The following ANKRD30B variants were observed in gnomAD, a reference collection of about 807,000 sequenced individuals.
ANKRD30B encodes the protein ankyrin repeat domain 30B.
Under a neutral mutation model 202.2 loss-of-function variants are expected in ANKRD30B, and 144 were observed. The ratio of observed to expected loss-of-function variants is 0.71; its 90% confidence interval spans 0.62 to 0.82. ANKRD30B has a LOEUF of 0.82. Ranked by LOEUF, ANKRD30B falls within the 40% of genes least tolerant of loss-of-function variation. ANKRD30B has a pLI of 0.00. For synonymous variants in ANKRD30B, 508 were observed against 561.3 expected (o/e 0.91, Z 1.34); for missense variants, 1,487 against 1,669.1 (o/e 0.89, Z 1.90).
At chr18:14,810,986 G>T (rs1019395628) in intron 28 of ANKRD30B, among the ~76,000 whole-genome samples, 1 of 150,880 alleles carries the variant, frequency 6.6e-6, no homozygotes, top group Non-Finnish European at 1.5e-5. Flanking sequence ...GTGGTGGTGG[G>T]TGCCCGTAAT....
In ANKRD30B at chr18:14,851,603, T is replaced by C; in HGVS notation, c.3659T>C (p.Leu1220Pro). The change falls in exon 42 of 44, where the codon CTG becomes CCG. Residue 1220 changes from leucine to proline, a missense_variant. Around this residue, in one of 6 missense-constraint regions of ANKRD30B, gnomAD observed 177 missense variants for 216.4 expected, o/e 0.82. Coordinates refer to ENST00000690538, the MANE Select transcript of ANKRD30B (RefSeq NM_001367607.2). The part of the protein sequence containing the change: ...IAMLKLEVAT[L>P]KHQHQVKENK... ...ATGCTAAAACTGGAAGTAGCCACACTGAAACATCAACACCAGGTGAAGGAA... is the reference window on the plus strand; with the variant it reads ...ATGCTAAAACTGGAAGTAGCCACACCGAAACATCAACACCAGGTGAAGGAA... 6.2e-7 allele frequency: 1 copy of C among 1,611,150 alleles called. No individual in the cohort carries two copies. Among genetic ancestry groups the C allele is most frequent in the Non-Finnish European group, 8.5e-7 (1 of 1,178,774 alleles).
intron 33 of ANKRD30B, among the ~76,000 whole-genome samples, chr18:14,828,838 C>T (rs559531974): frequency 6.6e-6 from 1 of 152,302 alleles, no homozygotes; most frequent in East Asian, 1.9e-4. Flanking sequence ...TTAGCTGTGG[C>T]CACAAGACAT....
chr18:14,934,722 A>T, the ANKRD30B span, among the ~76,000 whole-genome samples: 3 of 152,202 alleles, frequency 2.0e-5, no homozygotes, highest in East Asian at 5.8e-4. Context: ...TTCAAGGAGG[A>T]ATAGCAAGAA....
chr18:14,757,575 C>T (rs1484998531), intron 4 of ANKRD30B, among the ~76,000 whole-genome samples: 1 of 152,070 alleles, frequency 6.6e-6, no homozygotes, highest in Non-Finnish European at 1.5e-5. Context: ...GGTTAGTGAA[C>T]AAATCATAAT....
At chr18:14,788,338 C>A (rs1316164576) in intron 15 of ANKRD30B, among the ~76,000 whole-genome samples, 2 of 152,108 alleles carry the variant, frequency 1.3e-5, no homozygotes, top group Non-Finnish European at 2.9e-5. Flanking sequence ...TTAATGGCCA[C>A]ATGAATGTAA....
At chr18:14,852,966 T>G (rs1971950756) in intron 42 of ANKRD30B, among the ~76,000 whole-genome samples, 1 of 152,204 alleles carries the variant, frequency 6.6e-6, no homozygotes, top group African/African-American at 2.4e-5. Context: ...TCAATTTGAC[T>G]TAATCTGAAC....
At chr18:14,758,269 G>T (rs1914693903) in intron 5 of ANKRD30B, among the ~76,000 whole-genome samples, 1 of 152,104 alleles carries the variant, frequency 6.6e-6, no homozygotes. Context: ...ATGTCCCCTG[G>T]GGGCTGTCTT....
At chr18:14,868,511 A>G in the ANKRD30B span, among the ~76,000 whole-genome samples, 8 of 152,292 alleles carry the variant, frequency 5.3e-5, no homozygotes, top group Non-Finnish European at 8.8e-5. Context: ...CCCCCATGTA[A>G]GATAAAGGGT....
At chr18:14,811,178 T>C (rs1319574259) in intron 28 of ANKRD30B, among the ~76,000 whole-genome samples, 3 of 151,636 alleles carry the variant, frequency 2.0e-5, no homozygotes, top group African/African-American at 2.4e-5. Flanking sequence ...AGAATTTGTT[T>C]TGACGTCTTA....
the ANKRD30B span, among the ~76,000 whole-genome samples, chr18:14,923,092 G>A: frequency 6.6e-6 from 1 of 152,180 alleles, no homozygotes; most frequent in African/African-American, 2.4e-5. Flanking sequence ...CACAGGCCCT[G>A]AAGAACCAGC....
At chr18:14,817,716 A>C (rs1970188421) in intron 30 of ANKRD30B, among the ~76,000 whole-genome samples, 1 of 152,218 alleles carries the variant, frequency 6.6e-6, no homozygotes, top group Non-Finnish European at 1.5e-5. Flanking sequence ...TAAAACAAAC[A>C]GATGTATTAA....
the ANKRD30B span, chr18:14,915,592 G>C: frequency 1.3e-5 from 2 of 152,202 alleles, no homozygotes; most frequent in African/African-American, 4.8e-5. Context: ...CCAAGGAGCA[G>C]AGAAAATGAG....
the ANKRD30B span, among the ~76,000 whole-genome samples, chr18:14,904,961 C>G: frequency 2.0e-5 from 3 of 152,146 alleles, no homozygotes; most frequent in Middle Eastern, 3.2e-3. Context: ...GCATGAGATG[C>G]AGGTCATGCA....
intron 30 of ANKRD30B, among the ~76,000 whole-genome samples, chr18:14,819,947 C>T (rs1311795128): frequency 1.3e-5 from 2 of 152,038 alleles, no homozygotes; most frequent in East Asian, 1.9e-4. Context: ...TGTAAATAAC[C>T]TTGGGCAGTA....
At position 14,752,991 on chromosome 18, in the gene ANKRD30B, A is replaced by T. The variant is rs776026510; in HGVS notation, c.489A>T (p.Ala163=). The part of the protein sequence containing the change: ...LMVATLLSYG[A]VIEVQNKASL... ...TGGCAACACTGCTGTCCTATGGTGC[A>T]GTCATCGAGGTGCAAAACAAGGTAG... is the stretch of plus-strand genomic sequence containing the variant. The change falls in exon 3 of 44, where the codon GCA becomes GCT. Residue 163 remains alanine (A), a synonymous_variant. Transcript: ENST00000690538. 2.5e-6 allele frequency: 4 copies of T among 1,599,372 alleles called. No homozygotes were observed.
intron 40 of ANKRD30B, among the ~76,000 whole-genome samples, chr18:14,849,664 T>C (rs919763771): frequency 6.6e-6 from 1 of 151,690 alleles, no homozygotes; most frequent in Non-Finnish European, 1.5e-5. Flanking sequence ...CAACAAGATA[T>C]GTTTAACTCT....
chr18:14,882,344 C>T, the ANKRD30B span, among the ~76,000 whole-genome samples: 1 of 152,210 alleles, frequency 6.6e-6, no homozygotes, highest in East Asian at 1.9e-4. Flanking sequence ...ACATTTCCAT[C>T]GTGATTTCGT....
chr18:14,890,204 T>C, the ANKRD30B span: 9 of 570,138 alleles, frequency 1.6e-5, no homozygotes, highest in Non-Finnish European at 2.8e-5. Flanking sequence ...AAATTTTTAA[T>C]GTGATTATTT....
rs1464555727 is a variant in ANKRD30B, at chr18:14,762,917, C to G, written c.821-769C>G. Among the ~76,000 whole-genome samples, 7 of 152,128 alleles carry G rather than the reference C, an allele frequency of 4.6e-5. No homozygotes were observed. In the East Asian group the frequency reaches 1.4e-3, roughly 29 times the overall value. ...GTGCTCATAATACAGAAGAGCTGTG[C>G]CTATTGAATTTCTGCATTTTTCCAA... is the stretch of plus-strand genomic sequence containing the variant. On this transcript the variant is annotated intron_variant, in intron 6 of 43. Coordinates refer to ENST00000690538, the MANE Select transcript of ANKRD30B (RefSeq NM_001367607.2).
Sources: allele counts gnomAD v4.1 joint callset (sites outside exome capture counted in the v4.1 genomes callset), GRCh38; gene constraint gnomAD v4.1.1; regional missense constraint gnomAD v4.1.1; transcripts MANE v1.5; gene names NCBI Gene and HGNC (gene_info 2026-07-23, HGNC 2026-07-21).